NPAS3: variants seen among roughly 807,000 people sequenced by gnomAD.
NPAS3 encodes neuronal PAS domain-containing protein 3.
NPAS3 carries 14 observed loss-of-function variants against 73.1 expected under a neutral mutation model. That is an observed-to-expected ratio of 0.19 (90% confidence interval 0.13 to 0.30). The LOEUF is 0.30. Among genes scored for constraint, NPAS3 ranks in the 10% least tolerant of loss-of-function variants. The probability of loss-of-function intolerance (pLI) is 1.00; values close to 1 mark genes in which losing one functional copy is unlikely to be tolerated. For missense variants in NPAS3, 1,096 were observed against 1,250.0 expected (o/e 0.88, Z 1.86); for synonymous variants, 620 against 541.5 (o/e 1.14, Z -2.01).
chr14:33,314,525 G>T (rs1159153284), intron 3 of NPAS3, among the ~76,000 whole-genome samples: 1 of 152,026 alleles, frequency 6.6e-6, no homozygotes, highest in Non-Finnish European at 1.5e-5. Context: ...CACGGTGGTG[G>T]TGGTGGTGAT....
chr14:32,971,935 T>TC (rs2037443530), intron 1 of NPAS3, among the ~76,000 whole-genome samples: 1 of 141,398 alleles, frequency 7.1e-6, no homozygotes, highest in South Asian at 2.3e-4. Context: ...TCAGTGGGAC[T>TC]CTTTTTTTTT....
At chr14:33,673,392 T>C (rs1047875430) in intron 5 of NPAS3, among the ~76,000 whole-genome samples, 1 of 152,232 alleles carries the variant, frequency 6.6e-6, no homozygotes, top group Non-Finnish European at 1.5e-5. Flanking sequence ...CAAAAATTAG[T>C]ACTTTTTGCA....
At chr14:32,995,566 A>G (rs2038533777) in intron 1 of NPAS3, among the ~76,000 whole-genome samples, 1 of 152,122 alleles carries the variant, frequency 6.6e-6, no homozygotes, top group Non-Finnish European at 1.5e-5. Context: ...ATTCCCATGT[A>G]TTGTGGGAGA....
chr14:33,222,237 T>C (rs2047458120), intron 3 of NPAS3, among the ~76,000 whole-genome samples: 1 of 152,188 alleles, frequency 6.6e-6, no homozygotes. Context: ...CTAGATTTTA[T>C]GGCTTGCTTT....
At chr14:33,763,626 C>G (rs536336566) in intron 7 of NPAS3, among the ~76,000 whole-genome samples, 1 of 152,200 alleles carries the variant, frequency 6.6e-6, no homozygotes, top group Non-Finnish European at 1.5e-5. Context: ...CAAACAGGAA[C>G]TACATGTTGT....
At chr14:33,744,789 C>A (rs752672036) in intron 7 of NPAS3, among the ~76,000 whole-genome samples, 6 of 150,808 alleles carry the variant, frequency 4.0e-5, no homozygotes, top group Non-Finnish European at 8.9e-5. Flanking sequence ...GACCCCATCC[C>A]AAAAAAGCAA....
In NPAS3 at chr14:33,054,540, A is replaced by G. The variant is rs553985652; in HGVS notation, c.51-1365A>G. ...AATTATTTGAAAGTATTGTCACTTA[A>G]TATGTTGGGCTTTATGAAATATTAA... On this transcript the variant is annotated intron_variant, in intron 1 of 11. Coordinates refer to ENST00000356141, the Ensembl canonical transcript of NPAS3. Among the ~76,000 whole-genome samples the G allele has an allele frequency of 1.2e-4, 19 of 152,196 alleles. 1 individual carries two copies. In the East Asian group the frequency reaches 3.7e-3, roughly 29 times the overall value.
intron 1 of NPAS3, among the ~76,000 whole-genome samples, chr14:32,998,211 G>A (rs965018577): frequency 6.6e-6 from 1 of 152,202 alleles, no homozygotes; most frequent in Non-Finnish European, 1.5e-5. Context: ...AAGGTATGAA[G>A]TACTGATACA....
chr14:33,606,413 T>C (rs1480763302), intron 5 of NPAS3, among the ~76,000 whole-genome samples: 2 of 151,924 alleles, frequency 1.3e-5, no homozygotes, highest in African/African-American at 2.4e-5. Flanking sequence ...TCATCATTTT[T>C]TATGGCTGCA....
intron 2 of NPAS3, among the ~76,000 whole-genome samples, chr14:33,205,189 T>G (rs2139614888): frequency 6.6e-6 from 1 of 152,296 alleles, no homozygotes; most frequent in South Asian, 2.1e-4. Flanking sequence ...TAGATAAAGA[T>G]ATATAGCTAT....
intron 2 of NPAS3, among the ~76,000 whole-genome samples, chr14:33,079,609 C>CTTTTTTTTT (rs34920021): frequency 5.4e-5 from 3 of 56,064 alleles, no homozygotes; most frequent in East Asian, 6.1e-4. Context: ...TGAGCCAGGC[C>CTTTTTTTTT]TTTTTTTTTT....
intron 3 of NPAS3, among the ~76,000 whole-genome samples, chr14:33,315,506 CGG>C (rs36035161): frequency 6.7e-6 from 1 of 149,344 alleles, no homozygotes; most frequent in African/African-American, 2.5e-5. Context: ...AAGAGTGTGT[CGG>C]GGGGGGAGTG....
intron 3 of NPAS3, among the ~76,000 whole-genome samples, chr14:33,291,823 C>G (rs192842634): frequency 6.6e-6 from 1 of 152,180 alleles, no homozygotes; most frequent in African/African-American, 2.4e-5. Flanking sequence ...GAAGGTATTA[C>G]GGAATAACGG....
chr14:33,524,238 T>C (rs2053690387), intron 4 of NPAS3, among the ~76,000 whole-genome samples: 1 of 152,150 alleles, frequency 6.6e-6, no homozygotes, highest in Admixed American at 6.5e-5. Flanking sequence ...TTCATAATAC[T>C]TAAGTCTTAA....
intron 1 of NPAS3, among the ~76,000 whole-genome samples, chr14:33,044,426 AT>A (rs932906911): frequency 4.0e-5 from 6 of 151,248 alleles, no homozygotes; most frequent in South Asian, 2.1e-4. Flanking sequence ...AAACCTGAAC[AT>A]TTTTTTTTCT....
chr14:33,155,480 T>A (rs2044613473), intron 2 of NPAS3, among the ~76,000 whole-genome samples: 1 of 152,168 alleles, frequency 6.6e-6, no homozygotes, highest in Non-Finnish European at 1.5e-5. Flanking sequence ...AGCTTCGAAT[T>A]CCTGGGCTCA....
At chr14:33,612,955 C>G (rs911032565) in intron 5 of NPAS3, among the ~76,000 whole-genome samples, 15 of 151,404 alleles carry the variant, frequency 9.9e-5, no homozygotes, top group African/African-American at 3.6e-4. Flanking sequence ...TTCCATCAAC[C>G]AAAAAAAGAA....
At chr14:33,124,913 A>C (rs2043370314) in intron 2 of NPAS3, among the ~76,000 whole-genome samples, 1 of 152,110 alleles carries the variant, frequency 6.6e-6, no homozygotes, top group South Asian at 2.1e-4. Flanking sequence ...GATTCATGGC[A>C]AGGAAGATGC....
intron 2 of NPAS3, among the ~76,000 whole-genome samples, chr14:33,114,952 A>C (rs1361311146): frequency 6.6e-6 from 1 of 152,202 alleles, no homozygotes; most frequent in African/African-American, 2.4e-5. Flanking sequence ...TGGAAAAGTT[A>C]ACTTCAGACG....
Sources: gnomAD v4.1 joint callset for allele counts (sites outside exome capture counted in the v4.1 genomes callset) on GRCh38, gnomAD v4.1.1 for gene constraint, MANE v1.5 for transcripts, NCBI Gene and HGNC (gene_info 2026-07-23, HGNC 2026-07-21) for gene names.